Variants in GPD2 observed in about 807,000 individuals in gnomAD.
The protein encoded by GPD2 is glycerol-3-phosphate dehydrogenase, mitochondrial.
GPD2 carries 54 observed loss-of-function variants against 82.4 expected under a neutral mutation model. The observed-to-expected ratio is 0.66, with a 90% CI of 0.53 to 0.82. GPD2 has a LOEUF of 0.82. Among genes scored for constraint, GPD2 ranks in the 40% least tolerant of loss-of-function variants. The pLI is 0.00. For synonymous variants in GPD2, 288 were observed against 306.1 expected (o/e 0.94, Z 0.62); for missense variants, 748 against 896.2 (o/e 0.83, Z 2.11).
intron 6 of GPD2, among the ~76,000 whole-genome samples, chr2:156,515,946 T>C (rs367736029): frequency 1.5e-4 from 23 of 152,214 alleles, no homozygotes; most frequent in Admixed American, 1.5e-3. Flanking sequence ...GATGATCAAA[T>C]TGAATATCGA....
rs79587286 is a variant in GPD2 at position 156,559,460 on chromosome 2, G to T, written c.1165+1878G>T. On this transcript the variant is annotated intron_variant, in intron 9 of 16. Coordinates refer to ENST00000438166, the MANE Select transcript of GPD2 (RefSeq NM_000408.5). Reference sequence around the variant, plus strand: ...TCTTATAATGTTGATGTCAGTGAAGGACATGGAAAAGCACTATGTTAGTCT... The same window carrying T: ...TCTTATAATGTTGATGTCAGTGAAGTACATGGAAAAGCACTATGTTAGTCT... Among the ~76,000 whole-genome samples, 1,186 of 152,220 alleles carry T rather than the reference G, an allele frequency of 7.8e-3. 5 individuals carry two copies. Among genetic ancestry groups the T allele is most frequent in the Non-Finnish European group, 0.012 (805 of 68,002 alleles).
In GPD2 at chr2:156,582,827, G is replaced by A; in HGVS notation, c.2093G>A (p.Gly698Glu). 1.2e-6 allele frequency: 2 copies of A among 1,613,076 alleles called. No individual in the cohort carries two copies. Among genetic ancestry groups the A allele is most frequent in the Non-Finnish European group, 1.7e-6 (2 of 1,179,230 alleles). ...GCTATTCAAAAAGGAAGGGTATCTG[G>A]AAGCCGGCTTGCTATACTAATGAAA... ...MSAIQKGRVS[G>E]SRLAILMKTA... Residue 698 changes from glycine to glutamate, a missense_variant, in exon 17 of 17, where the codon GGA becomes GAA. Coordinates refer to ENST00000438166, the MANE Select transcript of GPD2 (RefSeq NM_000408.5).
the GPD2 span, among the ~76,000 whole-genome samples, chr2:156,414,394 A>C: frequency 6.6e-6 from 1 of 152,212 alleles, no homozygotes; most frequent in Non-Finnish European, 1.5e-5. Context: ...ATTGATGTGA[A>C]GCGTAAGGGG....
chr2:156,419,562 A>G, the GPD2 span, among the ~76,000 whole-genome samples: 1 of 152,170 alleles, frequency 6.6e-6, no homozygotes, highest in Admixed American at 6.5e-5. Flanking sequence ...GATAGGTCTC[A>G]TTGGGATCTC....
chr2:156,517,948 C>T (rs1685258537), intron 6 of GPD2, among the ~76,000 whole-genome samples: 1 of 152,142 alleles, frequency 6.6e-6, no homozygotes, highest in Admixed American at 6.5e-5. Context: ...TTCTTCCTTT[C>T]TGAGAGTCAA....
chr2:156,408,508 T>C, the GPD2 span, among the ~76,000 whole-genome samples: 9 of 151,896 alleles, frequency 5.9e-5, no homozygotes, highest in African/African-American at 2.2e-4. Flanking sequence ...GATGCATGGC[T>C]TGAGCCCAGG....
At position 156,510,778 on chromosome 2, in the gene GPD2, G is replaced by T. The variant is rs1684965476; in HGVS notation, c.275-18G>T. On this transcript the variant is annotated intron_variant, in intron 3 of 16. Coordinates refer to ENST00000438166, the MANE Select transcript of GPD2 (RefSeq NM_000408.5). Reference sequence around the variant, plus strand: ...ATTGTGTAATTTAAGAAGTTAATTTGGTTTTCTGGTTACACAGGACTAAAA... The same window carrying T: ...ATTGTGTAATTTAAGAAGTTAATTTTGTTTTCTGGTTACACAGGACTAAAA... 1 of 1,604,048 alleles carries T rather than the reference G, an allele frequency of 6.2e-7. No homozygotes were observed. Among genetic ancestry groups the T allele is most frequent in the Non-Finnish European group, 8.5e-7 (1 of 1,170,972 alleles).
At chr2:156,401,248 T>C in the GPD2 span, among the ~76,000 whole-genome samples, 2 of 152,222 alleles carry the variant, frequency 1.3e-5, no homozygotes, top group Admixed American at 1.3e-4. Context: ...TATTGCTTAC[T>C]AGAAGACACT....
At chr2:156,581,432 T>C (rs554619430) in intron 16 of GPD2, among the ~76,000 whole-genome samples, 1 of 152,262 alleles carries the variant, frequency 6.6e-6, no homozygotes, top group South Asian at 2.1e-4. Flanking sequence ...TTGTCAGTTG[T>C]GTTAGCTCTG....
rs1465845390 is a variant in GPD2 at position 156,444,203 on chromosome 2, A to G, written c.-9+7690A>G. On this transcript the variant is annotated intron_variant, in intron 1 of 16. Transcript: ENST00000438166. Reference sequence around the variant, plus strand: ...GGACCCTGGCCTAGATTTTCCTTTTATTACCTGGAGTTTGGGGTTTCCTTG... The same window carrying G: ...GGACCCTGGCCTAGATTTTCCTTTTGTTACCTGGAGTTTGGGGTTTCCTTG... Among the ~76,000 whole-genome samples the G allele has an allele frequency of 2.0e-5, 3 of 152,192 alleles. No individual in the cohort carries two copies. The East Asian group carries it at 5.8e-4, about 29-fold the overall frequency.
At chr2:156,410,782 A>G in the GPD2 span, among the ~76,000 whole-genome samples, 39 of 152,318 alleles carry the variant, frequency 2.6e-4, no homozygotes, top group Non-Finnish European at 3.5e-4. Context: ...ATTAATGACC[A>G]CCTTATCTAG....
At chr2:156,517,006 A>C (rs1685224199) in intron 6 of GPD2, among the ~76,000 whole-genome samples, 1 of 152,372 alleles carries the variant, frequency 6.6e-6, no homozygotes, top group South Asian at 2.1e-4. Context: ...TTAATTTCTC[A>C]TAAACACAGT....
At chr2:156,403,133 A>AAAAAAAAG in the GPD2 span, among the ~76,000 whole-genome samples, 1 of 151,510 alleles carries the variant, frequency 6.6e-6, no homozygotes. Context: ...AAAAAAAAAA[A>AAAAAAAAG]ATCTCAGAAC....
At chr2:156,517,042 T>C (rs1573952991) in intron 6 of GPD2, among the ~76,000 whole-genome samples, 1 of 152,380 alleles carries the variant, frequency 6.6e-6, no homozygotes, top group East Asian at 1.9e-4. Context: ...TCTGGATGGC[T>C]ATTGCATATG....
At chr2:156,544,253 C>A (rs570685470) in intron 6 of GPD2, among the ~76,000 whole-genome samples, 3 of 152,262 alleles carry the variant, frequency 2.0e-5, no homozygotes, top group Admixed American at 2.0e-4. Flanking sequence ...TCATCTTCCT[C>A]CTGGTACCAT....
chr2:156,578,766 A>G, intron 13 of GPD2, 123 bp from the exon 14 acceptor site: 1 of 677,782 alleles, frequency 1.5e-6, no homozygotes, highest in Non-Finnish European at 2.6e-6. Flanking sequence ...GAAGAAATAA[A>G]AAAATTGTGC....
At chr2:156,579,031 C>G (rs772816119) in intron 14 of GPD2, 30 bp downstream of exon 14, 1 of 1,522,988 alleles carries the variant, frequency 6.6e-7, no homozygotes, top group Non-Finnish European at 9.1e-7. Flanking sequence ...ATCTATCTCT[C>G]TTTTTTTTTG....
chr2:156,400,860 T>C, the GPD2 span, among the ~76,000 whole-genome samples: 2 of 152,184 alleles, frequency 1.3e-5, no homozygotes, highest in East Asian at 1.9e-4. Context: ...ACGTTTGCTT[T>C]TTATTTTTTC....
chr2:156,476,552 A>G (rs541756167), intron 2 of GPD2, among the ~76,000 whole-genome samples: 23 of 152,330 alleles, frequency 1.5e-4, no homozygotes, highest in African/African-American at 5.5e-4. Context: ...GTTCCTGCCA[A>G]AAGTTTGTCT....
Sources: gnomAD v4.1 joint callset for allele counts (sites outside exome capture counted in the v4.1 genomes callset) on GRCh38, gnomAD v4.1.1 for gene constraint, MANE v1.5 for transcripts, NCBI Gene and HGNC (gene_info 2026-07-23, HGNC 2026-07-21) for gene names.